Variants in CDC20B observed in about 807,000 individuals in gnomAD.
CDC20B encodes the protein cell division cycle protein 20 homolog B.
CDC20B carries 58 observed loss-of-function variants against 64.1 expected under a neutral mutation model. That is an observed-to-expected ratio of 0.90 (90% CI 0.73 to 1.13). The LOEUF is 1.13. Among genes scored for constraint, CDC20B ranks in the 50% most tolerant of loss-of-function variants. CDC20B has a pLI of 0.00. For missense variants in CDC20B, 597 were observed against 633.0 expected (o/e 0.94, Z 0.61); for synonymous variants, 243 against 230.6 (o/e 1.05, Z -0.49).
intron 2 of CDC20B, chr5:55,164,912 A>G (rs1744300801): frequency 2.0e-5 from 3 of 152,214 alleles, no homozygotes; most frequent in Admixed American, 6.5e-5. Context: ...AAAAGTCTTC[A>G]TCATTTTCAG....
chr5:55,118,237 GT>G (rs1324729654), intron 11 of CDC20B, among the ~76,000 whole-genome samples: 2 of 152,182 alleles, frequency 1.3e-5, no homozygotes, highest in African/African-American at 4.8e-5. Flanking sequence ...TTGTATGTAT[GT>G]TTTGTATAAC....
rs530445009 is a variant in CDC20B, at chr5:55,143,990, T to C, written c.356-347A>G. The stretch of plus-strand genomic sequence containing the variant: ...CAGCAGTGTGAATGCTTTATCTCTG[T>C]ATGGAAAAAAAAAAAAAAAAACCAG... On this transcript the variant is annotated intron_variant, in intron 3 of 11. Transcript: ENST00000381375. Among the ~76,000 whole-genome samples the C allele has an allele frequency of 1.7e-4, 14 of 82,298 alleles. No homozygotes were observed. The South Asian group carries it at 6.4e-3, about 38-fold the overall frequency. 54.0% of individuals were successfully genotyped at this position (82,298 alleles called of 152,430 possible). A position where few individuals can be genotyped will look rare whatever the true frequency, so the allele number is the denominator to read the frequency against.
At chr5:55,160,647 T>C (rs138468422) in intron 2 of CDC20B, 78 of 495,952 alleles carry the variant, frequency 1.6e-4, no homozygotes, top group African/African-American at 1.4e-3. Context: ...GTTTGGAAAA[T>C]ACTTATAGTT....
chr5:55,121,591 CT>C (rs33980647), intron 9 of CDC20B, among the ~76,000 whole-genome samples: 5,812 of 151,972 alleles, frequency 0.038, 413 homozygotes, highest in African/African-American at 0.13. Context: ...TTCTACATGT[CT>C]TTTTTTCTGA....
At position 55,114,393 on chromosome 5, in the gene CDC20B, A is replaced by C; in HGVS notation, c.1460-75T>G. The C allele has an allele frequency of 6.5e-7, 1 of 1,543,444 alleles. No individual in the cohort carries two copies. Among genetic ancestry groups the C allele is most frequent in the Non-Finnish European group, 8.7e-7 (1 of 1,143,754 alleles). ...GCTGCTCAGGACTGTAGGCAATGTA[A>C]GTTGGGGCCATGAGTCCCATCCCAG... On this transcript the variant is annotated intron_variant, in intron 11 of 11. Transcript: ENST00000381375. The surrounding 1 kb of genome is among the most constrained non-coding windows in gnomAD (Gnocchi z 4.1).
chr5:55,119,362 G>C (rs373126850), intron 11 of CDC20B, among the ~76,000 whole-genome samples: 4 of 152,294 alleles, frequency 2.6e-5, no homozygotes, highest in Non-Finnish European at 5.9e-5. Flanking sequence ...GAACGAAGCT[G>C]AGAAGAGTAG....
chr5:55,145,275 G>A (rs1368545607), intron 3 of CDC20B, among the ~76,000 whole-genome samples: 1 of 152,148 alleles, frequency 6.6e-6, no homozygotes, highest in Non-Finnish European at 1.5e-5. Flanking sequence ...CAGTATTAAA[G>A]CCTGTCGTTA....
chr5:55,145,993 G>A (rs1430666854), intron 3 of CDC20B, among the ~76,000 whole-genome samples: 1 of 152,008 alleles, frequency 6.6e-6, no homozygotes, highest in Non-Finnish European at 1.5e-5. Context: ...ACATATATAT[G>A]TGTGTATGTG....
chr5:55,150,560 G>T (rs1025639849), intron 2 of CDC20B, among the ~76,000 whole-genome samples: 7 of 152,182 alleles, frequency 4.6e-5, no homozygotes, highest in African/African-American at 1.7e-4. Context: ...GTTGTAAAGT[G>T]TTGTTGGGGG....
rs565115773 is a variant in CDC20B, at chr5:55,114,394, G to A, written c.1460-76C>T. On this transcript the variant is annotated intron_variant, in intron 11 of 11. Transcript: ENST00000381375. The surrounding 1 kb of genome is among the most constrained non-coding windows in gnomAD (Gnocchi z 4.1). Reference sequence around the variant, plus strand: ...CTGCTCAGGACTGTAGGCAATGTAAGTTGGGGCCATGAGTCCCATCCCAGG... The same window carrying A: ...CTGCTCAGGACTGTAGGCAATGTAAATTGGGGCCATGAGTCCCATCCCAGG... 1.3e-5 allele frequency: 20 copies of A among 1,543,422 alleles called. No individual in the cohort carries two copies. In the East Asian group the frequency reaches 4.0e-4, roughly 31 times the overall value.
In CDC20B at chr5:55,120,543, T is replaced by C. The variant is rs1449667501; in HGVS notation, c.1223A>G (p.Asp408Gly). The C allele has an allele frequency of 6.2e-7, 1 of 1,613,254 alleles. No homozygotes were observed. Among genetic ancestry groups the C allele is most frequent in the African/African-American group, 1.3e-5 (1 of 74,848 alleles). Reference sequence around the variant, plus strand: ...GACCCCAGACTGCCAGGGACACCAATCCATGGCCTTTAAAGTTTCACATAA... The same window carrying C: ...GACCCCAGACTGCCAGGGACACCAACCCATGGCCTTTAAAGTTTCACATAA... Reference protein sequence around the residue: ...ITQSTAVKAMDWCPWQSGVLA... With the variant: ...ITQSTAVKAMGWCPWQSGVLA... The change falls in exon 10 of 12, where the codon GAT becomes GGT. Residue 408 changes from aspartate to glycine, a missense_variant. This residue lies in a region of CDC20B where 353 missense variants were observed against 397.0 expected (regional missense o/e 0.89). Coordinates refer to ENST00000381375, the MANE Select transcript of CDC20B (RefSeq NM_001170402.1).
In CDC20B at chr5:55,133,512, G is replaced by T; in HGVS notation, c.597C>A (p.Val199=). The T allele has an allele frequency of 6.5e-7, 1 of 1,545,526 alleles. No homozygotes were observed. The highest frequency in any genetic ancestry group is 8.8e-7 in the Non-Finnish European group (1 of 1,132,558). Residue 199 remains valine (V), a synonymous_variant, in exon 6 of 12, where the codon GTC becomes GTA. Coordinates refer to ENST00000381375, the MANE Select transcript of CDC20B (RefSeq NM_001170402.1). The part of the protein sequence containing the change: ...ECVWKGCKDG[V]RDESFHLKSS... Reference sequence around the variant, plus strand: ...TTTTAAGATGGAAGGATTCATCTCTGACTCCATCTTTGCAGCCTACAAGAA... The same window carrying T: ...TTTTAAGATGGAAGGATTCATCTCTTACTCCATCTTTGCAGCCTACAAGAA...
intron 2 of CDC20B, chr5:55,164,092 G>A: frequency 6.3e-7 from 1 of 1,598,366 alleles, no homozygotes; most frequent in African/African-American, 1.3e-5. Context: ...ATTTTTGGAA[G>A]TATCTTGTCA....
chr5:55,170,580 T>C, intron 2 of CDC20B: 1 of 534,794 alleles, frequency 1.9e-6, no homozygotes, highest in Non-Finnish European at 3.8e-6. Flanking sequence ...GCCATTCACA[T>C]ATTCAACCAG....
intron 6 of CDC20B, 23 bp downstream of exon 6, chr5:55,133,389 T>C: frequency 8.0e-7 from 1 of 1,250,300 alleles, no homozygotes; most frequent in Non-Finnish European, 1.1e-6. Flanking sequence ...AACTTTTAAT[T>C]CCCAATCTAA....
At chr5:55,168,389 C>T (rs1172664746) in intron 2 of CDC20B, among the ~76,000 whole-genome samples, 1 of 151,962 alleles carries the variant, frequency 6.6e-6, no homozygotes, top group Non-Finnish European at 1.5e-5. Flanking sequence ...GAACCTCCCT[C>T]CTCTTTTTAC....
intron 9 of CDC20B, 79 bp from the exon 10 acceptor site, chr5:55,120,629 C>A: frequency 6.4e-7 from 1 of 1,555,946 alleles, no homozygotes; most frequent in Non-Finnish European, 8.8e-7. Context: ...CTTAGGTAAG[C>A]AGCAAGTCCC....
At chr5:55,140,842 C>G (rs73118122) in intron 4 of CDC20B, among the ~76,000 whole-genome samples, 4,801 of 152,222 alleles carry the variant, frequency 0.032, 276 homozygotes, top group African/African-American at 0.11. Context: ...AAATCTGGGT[C>G]CCATCCCTTT....
At chr5:55,164,009 C>T in intron 2 of CDC20B, 1 of 1,381,838 alleles carries the variant, frequency 7.2e-7, no homozygotes. Context: ...AAAATCTTGA[C>T]AAAGAATAAA....
Sources: gnomAD v4.1 joint callset for allele counts (sites outside exome capture counted in the v4.1 genomes callset) on GRCh38, gnomAD v4.1.1 for gene constraint, gnomAD v4.1.1 regional missense constraint, Gnocchi (gnomAD v3.1) non-coding constraint, MANE v1.5 for transcripts, NCBI Gene and HGNC (gene_info 2026-07-23, HGNC 2026-07-21) for gene names.